TTLL5: variants seen among roughly 807,000 people sequenced by gnomAD.
The protein encoded by TTLL5 is tubulin polyglutamylase TTLL5.
A neutral mutation model predicts 168.4 loss-of-function variants in TTLL5; 132 were observed. That is an observed-to-expected ratio of 0.78 (90% CI 0.68 to 0.91). TTLL5 has a LOEUF of 0.91. Ranked by LOEUF, TTLL5 falls within the 40% of genes least tolerant of loss-of-function variation. The probability of loss-of-function intolerance (pLI) is 0.00; values close to 1 mark genes in which losing one functional copy is unlikely to be tolerated. For missense variants in TTLL5, 1,545 were observed against 1,581.5 expected, an observed-to-expected ratio of 0.98 and a Z score of 0.39; for synonymous variants, 546 against 558.6, an observed-to-expected ratio of 0.98 and a Z score of 0.32.
chr14:75,884,899 G>T (rs2032022502), intron 30 of TTLL5, among the ~76,000 whole-genome samples: 1 of 151,960 alleles, frequency 6.6e-6, no homozygotes. Flanking sequence ...GGCCAAGTGT[G>T]GTGGCTCACG....
chr14:75,943,847 G>C (rs1370481813), intron 31 of TTLL5, among the ~76,000 whole-genome samples: 1 of 152,078 alleles, frequency 6.6e-6, no homozygotes, highest in African/African-American at 2.4e-5. Flanking sequence ...TTATGACCAA[G>C]CAGATTTGAA....
Position 75,706,531 on chromosome 14 carries a change from A to C in TTLL5, c.586-487A>C, listed in dbSNP as rs80124853. Among the ~76,000 whole-genome samples, 1,126 of 152,312 alleles carry C rather than the reference A, an allele frequency of 7.4e-3. 18 individuals are homozygous for C. Among genetic ancestry groups the C allele is most frequent in the African/African-American group, 0.026 (1,073 of 41,574 alleles). On this transcript the variant is annotated intron_variant, in intron 7 of 31. Coordinates refer to ENST00000298832, the MANE Select transcript of TTLL5 (RefSeq NM_015072.5). The stretch of plus-strand genomic sequence containing the variant: ...CCTTAAGTGAATCAATTAAACACCT[A>C]TCTCATTTTACAGAGAAAATGCTAG...
intron 31 of TTLL5, among the ~76,000 whole-genome samples, chr14:75,950,317 A>G (rs1384669919): frequency 1.3e-5 from 2 of 152,250 alleles, no homozygotes; most frequent in Non-Finnish European, 2.9e-5. Context: ...CTTTAAGAAT[A>G]CATTAGAGGA....
At chr14:75,930,307 T>C (rs907052934) in intron 31 of TTLL5, among the ~76,000 whole-genome samples, 4 of 152,208 alleles carry the variant, frequency 2.6e-5, no homozygotes, top group Non-Finnish European at 5.9e-5. Flanking sequence ...CAAATTCATA[T>C]GTTGACAGAT....
chr14:75,863,161 T>C (rs970953513), intron 28 of TTLL5, among the ~76,000 whole-genome samples: 3 of 152,156 alleles, frequency 2.0e-5, no homozygotes, highest in Admixed American at 6.5e-5. Context: ...CATAGGGACA[T>C]AAGCTCAAAT....
At chr14:75,870,834 C>T (rs1224894282) in intron 29 of TTLL5, among the ~76,000 whole-genome samples, 2 of 145,800 alleles carry the variant, frequency 1.4e-5, no homozygotes, top group East Asian at 2.0e-4. Context: ...CTTGCTCTGT[C>T]GCCCAGCTGG....
At chr14:75,774,364 C>A (rs1891584959) in intron 21 of TTLL5, among the ~76,000 whole-genome samples, 1 of 152,132 alleles carries the variant, frequency 6.6e-6, no homozygotes, top group Non-Finnish European at 1.5e-5. Flanking sequence ...CTTGACAACC[C>A]CCAACTCTAA....
chr14:75,737,376 A>G (rs1888976959), intron 15 of TTLL5, among the ~76,000 whole-genome samples: 1 of 152,200 alleles, frequency 6.6e-6, no homozygotes, highest in Non-Finnish European at 1.5e-5. Context: ...TGGAATATAT[A>G]TGGCATAGGA....
At chr14:75,947,817 T>C (rs1179972898) in intron 31 of TTLL5, among the ~76,000 whole-genome samples, 1 of 151,932 alleles carries the variant, frequency 6.6e-6, no homozygotes, top group Non-Finnish European at 1.5e-5. Flanking sequence ...GGTGTGTGCC[T>C]GTGGTTCCAG....
At chr14:75,921,781 GATGGGGATGGCATTGAATCTATAA>G (rs1021000886) in intron 31 of TTLL5, among the ~76,000 whole-genome samples, 2 of 152,188 alleles carry the variant, frequency 1.3e-5, no homozygotes, top group Non-Finnish European at 1.5e-5. Context: ...TTGGTAGCTT[GATGGGGATGGCATTGAATCTATAA>G]ATTACCTTGG....
In TTLL5 at chr14:75,690,209, G is replaced by A. The variant is rs757381290; in HGVS notation, c.389G>A (p.Arg130Gln). The stretch of plus-strand genomic sequence containing the variant: ...TTTTTCAGGTCTTATGAACTTACCC[G>A]GAAGGACCGACTGTACAAAAACATT... Reference protein sequence around the residue: ...NHFPRSYELTRKDRLYKNIIR... With the variant: ...NHFPRSYELTQKDRLYKNIIR... Residue 130 changes from arginine (R) to glutamine (Q), a missense_variant, in exon 6 of 32, where the codon CGG becomes CAG. Transcript: ENST00000298832. The A allele has an allele frequency of 4.6e-5, 74 of 1,612,852 alleles. No homozygotes were observed. The highest frequency in any genetic ancestry group is 6.0e-5 in the Non-Finnish European group (71 of 1,179,628).
At chr14:75,804,268 G>A (rs112763876) in intron 27 of TTLL5, among the ~76,000 whole-genome samples, 2,471 of 152,248 alleles carry the variant, frequency 0.016, 72 homozygotes, top group African/African-American at 0.056. Flanking sequence ...AGATAGATGC[G>A]GAGGTACATA....
intron 30 of TTLL5, among the ~76,000 whole-genome samples, chr14:75,901,782 C>G (rs373953152): frequency 4.5e-4 from 69 of 152,316 alleles, no homozygotes; most frequent in African/African-American, 1.6e-3. Context: ...TTAGGTAAGT[C>G]AATGCCAGAA....
intron 26 of TTLL5, among the ~76,000 whole-genome samples, chr14:75,786,581 A>G (rs372979131): frequency 6.6e-6 from 1 of 152,202 alleles, no homozygotes; most frequent in African/African-American, 2.4e-5. Context: ...TATATAATTG[A>G]CAACAGCCTG....
Position 75,782,521 on chromosome 14 carries a change from A to G in TTLL5, c.2550A>G (p.Ile850Met), listed in dbSNP as rs1297324507. Reference protein sequence around the residue: ...HPETIMEEVKIKPPKQQQTTE... With the variant: ...HPETIMEEVKMKPPKQQQTTE... Reference sequence around the variant, plus strand: ...AGACTATAATGGAAGAAGTGAAAATAAAGCCACCTAAACAGCAACAGACGA... The same window carrying G: ...AGACTATAATGGAAGAAGTGAAAATGAAGCCACCTAAACAGCAACAGACGA... Residue 850 changes from isoleucine (I) to methionine (M), a missense_variant, in exon 25 of 32, where the codon ATA becomes ATG. Coordinates refer to ENST00000298832, the MANE Select transcript of TTLL5 (RefSeq NM_015072.5). The G allele has an allele frequency of 2.5e-6, 4 of 1,613,922 alleles. No individual in the cohort carries two copies. The highest frequency in any genetic ancestry group is 3.4e-6 in the Non-Finnish European group (4 of 1,179,966).
chr14:75,918,077 A>C (rs2033682981), intron 31 of TTLL5, among the ~76,000 whole-genome samples: 1 of 152,172 alleles, frequency 6.6e-6, no homozygotes, highest in African/African-American at 2.4e-5. Flanking sequence ...TTCTGTTCCT[A>C]CCGGCATTGT....
intron 9 of TTLL5, among the ~76,000 whole-genome samples, chr14:75,713,944 T>C (rs1887261084): frequency 6.6e-6 from 1 of 152,178 alleles, no homozygotes; most frequent in Non-Finnish European, 1.5e-5. Context: ...ATTCTGCCAA[T>C]TGTCCTAAGA....
chr14:75,866,241 A>G (rs1221683640), intron 29 of TTLL5, among the ~76,000 whole-genome samples: 1 of 152,204 alleles, frequency 6.6e-6, no homozygotes, highest in Non-Finnish European at 1.5e-5. Context: ...GCTAGATCTG[A>G]CCATTATAAT....
chr14:75,706,575 A>G (rs1886673735), intron 7 of TTLL5, among the ~76,000 whole-genome samples: 1 of 152,102 alleles, frequency 6.6e-6, no homozygotes, highest in Non-Finnish European at 1.5e-5. Context: ...GTGGATCTGT[A>G]AGTTCTCCAA....
Sources: allele counts gnomAD v4.1 joint callset (sites outside exome capture counted in the v4.1 genomes callset), GRCh38; gene constraint gnomAD v4.1.1; transcripts MANE v1.5; gene names NCBI Gene and HGNC (gene_info 2026-07-23, HGNC 2026-07-21).